Variants in MAP7D3 observed in about 807,000 individuals in gnomAD.
The protein encoded by MAP7D3 is MAP7 domain containing 3, also known as MAP7 domain-containing protein 3.
Under a neutral mutation model 62.2 loss-of-function variants are expected in MAP7D3, and 45 were observed. That is an observed-to-expected ratio of 0.72 (90% CI 0.57 to 0.93). The LOEUF is 0.93. Among genes scored for constraint, MAP7D3 ranks in the 40% least tolerant of loss-of-function variants. The pLI, the probability that MAP7D3 is intolerant of heterozygous loss-of-function variation, is 0.00. For synonymous variants in MAP7D3, 288 were observed against 248.8 expected (o/e 1.16, Z -1.48); for missense variants, 711 against 683.1 (o/e 1.04, Z -0.45).
chrX:136,247,343 A>G (rs2074458619), intron 1 of MAP7D3, among the ~76,000 whole-genome samples: 1 of 112,111 alleles, frequency 8.9e-6, no homozygotes, highest in Admixed American at 9.4e-5. Context: ...ACTGAAAACT[A>G]ACTCTGTTCT....
intron 7 of MAP7D3, among the ~76,000 whole-genome samples, chrX:136,234,419 T>TAGGA (rs1270341888): frequency 4.5e-5 from 5 of 111,539 alleles, no homozygotes; most frequent in Non-Finnish European, 7.5e-5. Context: ...GAAGGTAGAG[T>TAGGA]AGGAAACTTT....
At chrX:136,227,702 T>G (rs919742591) in intron 11 of MAP7D3, among the ~76,000 whole-genome samples, 1 of 110,717 alleles carries the variant, frequency 9.0e-6, no homozygotes, top group African/African-American at 3.3e-5. Context: ...TGAGAGGAAC[T>G]CATTCCTTAA....
chrX:136,239,739 C>A (rs1028057887), intron 6 of MAP7D3, among the ~76,000 whole-genome samples: 1 of 112,394 alleles, frequency 8.9e-6, no homozygotes, highest in African/African-American at 3.2e-5. Flanking sequence ...TCTAACCAGT[C>A]TGTAGAAAAC....
At chrX:136,253,808 C>T (rs183873962), upstream of MAP7D3, among the ~76,000 whole-genome samples, 43 of 110,664 alleles carry the variant, frequency 3.9e-4, no homozygotes, top group Admixed American at 3.2e-3. Flanking sequence ...CCCAACATGG[C>T]GAAACACCAT....
rs747982949 is a variant in MAP7D3, at chrX:136,236,291, T to A, written c.689A>T (p.Asn230Ile). ...TTCTTTATCAGTAGACGAATGTAGG[T>A]TACTATCTCTTCTATTTAAAGATGA... is the stretch of plus-strand genomic sequence containing the variant. ...RSSSLNRRDSNLHSSTDKEQA... is the reference protein window; with the variant it reads ...RSSSLNRRDSILHSSTDKEQA... Residue 230 changes from asparagine to isoleucine, a missense_variant, in exon 7 of 19, where the codon AAC (asparagine) becomes ATC (isoleucine). Coordinates refer to ENST00000316077, the MANE Select transcript of MAP7D3 (RefSeq NM_024597.4). 10 of 1,196,416 alleles carry A rather than the reference T, an allele frequency of 8.4e-6. No individual in the cohort carries two copies. The highest frequency in any genetic ancestry group is 1.1e-5 in the Non-Finnish European group (10 of 885,447).
rs189595668 is a variant in MAP7D3, at chrX:136,246,304, C to A, written c.108G>T (p.Lys36Asn). 2 of 1,202,270 alleles carry A rather than the reference C, an allele frequency of 1.7e-6. No individual in the cohort carries two copies. Among genetic ancestry groups the A allele is most frequent in the African/African-American group, 3.5e-5 (2 of 57,084 alleles). ...AANEIAKERR[K>N]QDVVNRVATH... ...TTGCAACACGATTAACCACATCTTG[C>A]TTCCTCCTTTCCTTAGCAATCTCGT... is the stretch of plus-strand genomic sequence containing the variant. The change falls in exon 2 of 19, where the codon AAG becomes AAT. Residue 36 changes from lysine (K) to asparagine (N), a missense_variant. Coordinates refer to ENST00000316077, the MANE Select transcript of MAP7D3 (RefSeq NM_024597.4).
chrX:136,230,070 A>G (rs2074248654), intron 10 of MAP7D3, among the ~76,000 whole-genome samples: 2 of 100,768 alleles, frequency 2.0e-5, no homozygotes, highest in Non-Finnish European at 4.0e-5. Context: ...GGCTCAAGCA[A>G]TCCTCTCACC....
upstream of MAP7D3, among the ~76,000 whole-genome samples, chrX:136,253,197 C>A (rs768179392): frequency 8.9e-6 from 1 of 112,358 alleles, no homozygotes; most frequent in Non-Finnish European, 1.9e-5. Context: ...TGCATGATAT[C>A]CAGGATGGTA....
In MAP7D3 at chrX:136,230,540, T is replaced by G. The variant is rs928357564; in HGVS notation, c.1595A>C (p.Gln532Pro). Reference sequence around the variant, plus strand: ...ATAAGGAAAAGAAGTCTGTGGTGACTGTTTTGAAATAAGTGGTAATGGTGA... The same window carrying G: ...ATAAGGAAAAGAAGTCTGTGGTGACGGTTTTGAAATAAGTGGTAATGGTGA... ...PPSPLPLISKQSPQTSFPYKI... is the reference protein window; with the variant it reads ...PPSPLPLISKPSPQTSFPYKI... Residue 532 changes from glutamine (Q) to proline (P), a missense_variant, in exon 10 of 19, where the codon CAG (glutamine) becomes CCG (proline). Physicochemically the swap from Gln to Pro is moderately conservative, Grantham distance 76. Coordinates refer to ENST00000316077, the MANE Select transcript of MAP7D3 (RefSeq NM_024597.4). The G allele has an allele frequency of 1.3e-5, 16 of 1,202,958 alleles. No individual in the cohort carries two copies. The highest frequency in any genetic ancestry group is 1.8e-5 in the Non-Finnish European group (16 of 888,704).
In MAP7D3 at chrX:136,230,422, TC is replaced by T; in HGVS notation, c.1712del (p.Arg571AsnfsTer5). On this transcript the variant is annotated frameshift_variant, in exon 10 of 19. Transcript: ENST00000316077. LOFTEE classifies it high-confidence loss of function. ...TATGCCTTTGGCTCAAAGCCTCACA[TC>T]TGTTAGTGGTTTTAGAAACTGTTTC... Reference protein sequence around the residue: ...KKETVSKTTNRCEALSQRHMI... With the variant: ...KKETVSKTTNXCEALSQRHMI... The T allele has an allele frequency of 2.5e-6, 3 of 1,204,060 alleles. No homozygotes were observed. Among genetic ancestry groups the T allele is most frequent in the Non-Finnish European group, 3.4e-6 (3 of 888,600 alleles).
chrX:136,230,934 A>G lies in MAP7D3; in HGVS notation c.1446T>C (p.Pro482=), dbSNP rs781486114. The G allele has an allele frequency of 4.2e-6, 5 of 1,196,742 alleles. No homozygotes were observed. Among genetic ancestry groups the G allele is most frequent in the Admixed American group, 2.2e-5 (1 of 45,917 alleles). ...ATGATGATAGACGCTTCTTGGCAATAGGGATTAAGGCCTGTTTGTCCATTT... is the reference window on the plus strand; with the variant it reads ...ATGATGATAGACGCTTCTTGGCAATGGGGATTAAGGCCTGTTTGTCCATTT... ...KSEMDKQALI[P]IAKKRLSSYT... Residue 482 remains proline (P), a synonymous_variant, in exon 9 of 19, where the codon CCT becomes CCC. Coordinates refer to ENST00000316077, the MANE Select transcript of MAP7D3 (RefSeq NM_024597.4).
At chrX:136,215,547 T>C (rs1180974671), downstream of MAP7D3, among the ~76,000 whole-genome samples, 1 of 111,933 alleles carries the variant, frequency 8.9e-6, no homozygotes, top group African/African-American at 3.3e-5. Context: ...AGTTGTATAA[T>C]TACTTCATTA....
intron 15 of MAP7D3, among the ~76,000 whole-genome samples, chrX:136,221,432 T>C (rs770958300): frequency 1.8e-4 from 20 of 111,920 alleles, no homozygotes; most frequent in Non-Finnish European, 2.4e-4. Flanking sequence ...TTCACGCCAT[T>C]CTCCTGCCTC....
intron 4 of MAP7D3, among the ~76,000 whole-genome samples, chrX:136,242,659 C>T (rs1315562864): frequency 9.0e-6 from 1 of 111,570 alleles, no homozygotes; most frequent in Non-Finnish European, 1.9e-5. Context: ...TCTGTGTTCT[C>T]TCTGGCAGCT....
rs775903949 is a variant in MAP7D3 at position 136,230,601 on chromosome X, AAAGT to A, written c.1542-12_1542-9del. 6.4e-6 allele frequency: 7 copies of A among 1,101,896 alleles called. No individual in the cohort carries two copies. Among genetic ancestry groups the A allele is most frequent in the Non-Finnish European group, 8.7e-6 (7 of 801,245 alleles). 90.8% of individuals were successfully genotyped at this position (1,101,896 alleles called of 1,213,427 possible). ...TTCTTTTGGATTTGCCTGCTGAGAA[AAAGT>A]AATACACATTTGCTAATTAATTTTC... On this transcript the variant is annotated splice_polypyrimidine_tract_variant and intron_variant, in intron 9 of 18. Transcript: ENST00000316077.
chrX:136,236,939 C>G (rs2074336998), intron 6 of MAP7D3, among the ~76,000 whole-genome samples: 1 of 112,235 alleles, frequency 8.9e-6, no homozygotes, highest in South Asian at 3.7e-4. Context: ...CATCTGATTT[C>G]TGCATCATGG....
At chrX:136,220,180 G>A (rs746726970) in intron 16 of MAP7D3, among the ~76,000 whole-genome samples, 7 of 111,482 alleles carry the variant, frequency 6.3e-5, no homozygotes, top group Admixed American at 9.5e-5. Flanking sequence ...TATTATGGCC[G>A]GGTGTGGTGG....
At position 136,219,574 on chromosome X, in the gene MAP7D3, G is replaced by T; in HGVS notation, c.2565+19C>A. The T allele has an allele frequency of 8.4e-7, 1 of 1,185,388 alleles. No homozygotes were observed. The highest frequency in any genetic ancestry group is 1.1e-6 in the Non-Finnish European group (1 of 871,417). On this transcript the variant is annotated intron_variant, in intron 17 of 18. Coordinates refer to ENST00000316077, the MANE Select transcript of MAP7D3 (RefSeq NM_024597.4). The stretch of plus-strand genomic sequence containing the variant: ...GTGATCTTGTCACAGATACGCTGCT[G>T]CTCATAATTCATACTAACAGAGGAT...
chrX:136,224,409 AAGAG>A (rs1303586749), intron 14 of MAP7D3, among the ~76,000 whole-genome samples: 1 of 108,314 alleles, frequency 9.2e-6, no homozygotes, highest in Non-Finnish European at 1.9e-5. Context: ...CAAAAAAAAA[AAGAG>A]AGAAATGATC....
Sources: allele counts gnomAD v4.1 joint callset (sites outside exome capture counted in the v4.1 genomes callset), GRCh38; gene constraint gnomAD v4.1.1; transcripts MANE v1.5; gene names NCBI Gene and HGNC (gene_info 2026-07-23, HGNC 2026-07-21).